Variants in ANKS1B observed in about 807,000 individuals in gnomAD.
ANKS1B encodes ankyrin repeat and sterile alpha motif domain-containing protein 1B.
In ANKS1B, 36 loss-of-function variants were observed where a neutral mutation model predicts 148.3. That is an observed-to-expected ratio of 0.24 (90% CI 0.19 to 0.32). ANKS1B has a LOEUF of 0.32. Among genes scored for constraint, ANKS1B ranks in the 10% least tolerant of loss-of-function variants. The probability of loss-of-function intolerance (pLI) is 1.00; values close to 1 mark genes in which losing one functional copy is unlikely to be tolerated. For missense variants in ANKS1B, 1,157 were observed against 1,542.6 expected (o/e 0.75, Z 4.19); for synonymous variants, 542 against 560.8 (o/e 0.97, Z 0.47).
intron 23 of ANKS1B, chr12:98,781,624 G>A (rs2098737470): frequency 2.8e-6 from 1 of 360,792 alleles, no homozygotes; most frequent in Non-Finnish European, 5.4e-6. Flanking sequence ...CAAAATATAT[G>A]CACCCCCCCT....
chr12:99,793,436 T>C (rs1411002901), intron 4 of ANKS1B, among the ~76,000 whole-genome samples: 1 of 151,708 alleles, frequency 6.6e-6, no homozygotes, highest in African/African-American at 2.4e-5. Context: ...GACTTCAAAT[T>C]ATACTACAAA....
At position 99,772,903 on chromosome 12, in the gene ANKS1B, TC is replaced by T. The variant is rs756257664; in HGVS notation, c.1128+18del. 15 of 1,600,082 alleles carry T rather than the reference TC, an allele frequency of 9.4e-6. No homozygotes were observed. Among genetic ancestry groups the T allele is most frequent in the Admixed American group, 6.9e-5 (4 of 58,362 alleles). On this transcript the variant is annotated intron_variant, in intron 8 of 26. Transcript: ENST00000683438. ...GCAAAGACAGACACATTATCTTCATTCCCCCCCGCCTTACTTACTACACTCT... is the reference window on the plus strand; with the variant it reads ...GCAAAGACAGACACATTATCTTCATTCCCCCCGCCTTACTTACTACACTCT...
intron 9 of ANKS1B, among the ~76,000 whole-genome samples, chr12:99,639,434 T>C (rs1023004523): frequency 3.3e-5 from 5 of 152,168 alleles, no homozygotes; most frequent in African/African-American, 1.2e-4. Context: ...GGGGGACTGC[T>C]GGAAAGGCAT....
Position 99,662,364 on chromosome 12 carries a change from C to T in ANKS1B, c.1129-7154G>A, listed in dbSNP as rs117678076. On this transcript the variant is annotated intron_variant, in intron 8 of 26. Transcript: ENST00000683438. ...TTATAGTTACTGTGTGACTTTGGTT[C>T]AGTATCTCCTATCCTTAGTCCATAA... Among the ~76,000 whole-genome samples, 53 of 152,224 alleles carry T rather than the reference C, an allele frequency of 3.5e-4. 1 individual carries two copies. The East Asian group carries it at 9.9e-3, about 28-fold the overall frequency.
At chr12:99,575,685 G>A (rs1358999040) in intron 9 of ANKS1B, among the ~76,000 whole-genome samples, 1 of 152,020 alleles carries the variant, frequency 6.6e-6, no homozygotes, top group Non-Finnish European at 1.5e-5. Context: ...CCATGATTCA[G>A]TTATCTCCCA....
intron 15 of ANKS1B, among the ~76,000 whole-genome samples, chr12:99,127,502 T>C (rs1305694228): frequency 2.0e-5 from 3 of 152,210 alleles, no homozygotes; most frequent in Non-Finnish European, 4.4e-5. Context: ...AGGTACATAA[T>C]GCTGTATCCA....
In ANKS1B at chr12:98,758,242, T is replaced by G. The variant is rs2098309765; in HGVS notation, c.3580-6720A>C. On this transcript the variant is annotated intron_variant, in intron 25 of 26. Transcript: ENST00000683438. Reference sequence around the variant, plus strand: ...TACTTCCATTTTGCACATGAGATAATTACGCTCAGAAAGGTTAAATAACTT... The same window carrying G: ...TACTTCCATTTTGCACATGAGATAAGTACGCTCAGAAAGGTTAAATAACTT... Among the ~76,000 whole-genome samples, 2 of 152,262 alleles carry G rather than the reference T, an allele frequency of 1.3e-5. 1 individual carries two copies. The highest frequency in any genetic ancestry group is 2.9e-5 in the Non-Finnish European group (2 of 68,008).
At chr12:99,278,147 C>T (rs1052789332) in intron 12 of ANKS1B, among the ~76,000 whole-genome samples, 1 of 152,252 alleles carries the variant, frequency 6.6e-6, no homozygotes, top group Non-Finnish European at 1.5e-5. Flanking sequence ...TTACATTTCT[C>T]TAGCTCCCTT....
chr12:99,817,453 A>C (rs568547411), intron 2 of ANKS1B, among the ~76,000 whole-genome samples: 2 of 151,814 alleles, frequency 1.3e-5, no homozygotes, highest in African/African-American at 2.4e-5. Context: ...GCTATTGGGA[A>C]TAGTGCTGCA....
chr12:99,462,304 T>C (rs2095992070), intron 10 of ANKS1B, among the ~76,000 whole-genome samples: 1 of 152,230 alleles, frequency 6.6e-6, no homozygotes, highest in African/African-American at 2.4e-5. Context: ...GCTTTCAATG[T>C]CAGGTCAACA....
chr12:99,024,467 T>A (rs1371126892), intron 17 of ANKS1B, among the ~76,000 whole-genome samples: 1 of 152,318 alleles, frequency 6.6e-6, no homozygotes, highest in East Asian at 1.9e-4. Context: ...AACATTCTTT[T>A]ACATGGGTTT....
At chr12:99,189,235 C>A (rs371089855) in intron 14 of ANKS1B, among the ~76,000 whole-genome samples, 4 of 152,066 alleles carry the variant, frequency 2.6e-5, no homozygotes, top group Non-Finnish European at 4.4e-5. Flanking sequence ...CAGGACCAAA[C>A]GGATTCGCAG....
At chr12:98,906,063 A>G (rs1596621296) in intron 17 of ANKS1B, among the ~76,000 whole-genome samples, 1 of 152,350 alleles carries the variant, frequency 6.6e-6, no homozygotes, top group East Asian at 1.9e-4. Context: ...CTTTCAGGCC[A>G]TTAGGCTATC....
chr12:99,555,802 T>A (rs1277909156), intron 9 of ANKS1B, among the ~76,000 whole-genome samples: 1 of 152,222 alleles, frequency 6.6e-6, no homozygotes, highest in Non-Finnish European at 1.5e-5. Flanking sequence ...TCATGGTAGA[T>A]TAGCTTTTTG....
intron 9 of ANKS1B, among the ~76,000 whole-genome samples, chr12:99,653,770 C>T (rs2098436986): frequency 6.6e-6 from 1 of 150,898 alleles, no homozygotes; most frequent in South Asian, 2.1e-4. Context: ...GCAGCCTCAA[C>T]CTCCCATCTC....
chr12:98,856,769 A>G (rs143204248), intron 17 of ANKS1B, among the ~76,000 whole-genome samples: 33 of 152,296 alleles, frequency 2.2e-4, no homozygotes, highest in African/African-American at 6.0e-4. Context: ...GCTGGGGACA[A>G]AAAAGGAAGA....
At chr12:99,938,585 T>C (rs1420424083) in intron 1 of ANKS1B, among the ~76,000 whole-genome samples, 3 of 152,160 alleles carry the variant, frequency 2.0e-5, no homozygotes, top group African/African-American at 7.2e-5. Flanking sequence ...TCATAAGAGG[T>C]AAACTCAAGT....
chr12:99,488,241 C>G (rs530122985), intron 10 of ANKS1B, among the ~76,000 whole-genome samples: 1 of 152,182 alleles, frequency 6.6e-6, no homozygotes, highest in African/African-American at 2.4e-5. Context: ...AGGTTTTACT[C>G]TTATAAAAAA....
At chr12:99,105,783 A>AC (rs2059068548) in intron 15 of ANKS1B, among the ~76,000 whole-genome samples, 3 of 151,680 alleles carry the variant, frequency 2.0e-5, no homozygotes. Context: ...AAAAAAAAAA[A>AC]AAAAAACTAA....
Sources: allele counts gnomAD v4.1 joint callset (sites outside exome capture counted in the v4.1 genomes callset), GRCh38; gene constraint gnomAD v4.1.1; transcripts MANE v1.5; gene names NCBI Gene and HGNC (gene_info 2026-07-23, HGNC 2026-07-21).